DIP2C: variants seen among roughly 807,000 people sequenced by gnomAD.
DIP2C encodes the protein disco-interacting protein 2 homolog C.
DIP2C carries 33 observed loss-of-function variants against 192.4 expected under a neutral mutation model. The ratio of observed to expected loss-of-function variants is 0.17; its 90% confidence interval spans 0.13 to 0.23. DIP2C has a LOEUF of 0.23. Ranked by LOEUF, DIP2C falls within the 10% of genes least tolerant of loss-of-function variation. DIP2C has a pLI of 1.00. For missense variants in DIP2C, 1,537 were observed against 2,110.1 expected, an observed-to-expected ratio of 0.73 and a Z score of 5.32; for synonymous variants, 979 against 864.1, an observed-to-expected ratio of 1.13 and a Z score of -2.33.
chr10:591,071 A>C (rs1350832363), intron 1 of DIP2C, among the ~76,000 whole-genome samples: 1 of 148,192 alleles, frequency 6.7e-6, no homozygotes, highest in Non-Finnish European at 1.5e-5. Flanking sequence ...AAAAAATGAA[A>C]GAAGCCGCCA....
At chr10:497,579 T>G (rs893840773) in intron 1 of DIP2C, among the ~76,000 whole-genome samples, 1 of 152,222 alleles carries the variant, frequency 6.6e-6, no homozygotes, top group Non-Finnish European at 1.5e-5. Flanking sequence ...CAGACGCTCA[T>G]ACAAGGAATC....
intron 29 of DIP2C, among the ~76,000 whole-genome samples, chr10:334,836 C>T (rs1471055382): frequency 6.6e-6 from 1 of 152,154 alleles, no homozygotes; most frequent in Non-Finnish European, 1.5e-5. Context: ...TGCAGCTTTG[C>T]AATATTTTTG....
chr10:524,677 A>AGAAAT (rs1181945973), intron 1 of DIP2C, among the ~76,000 whole-genome samples: 4 of 152,322 alleles, frequency 2.6e-5, no homozygotes, highest in African/African-American at 9.6e-5. Context: ...AAAACAAAGA[A>AGAAAT]TGCATTGCAC....
In DIP2C at chr10:414,037, G is replaced by A. The variant is rs763580849; in HGVS notation, c.933C>T (p.Gly311=). The part of the protein sequence containing the change: ...QMLAMRGEQL[G]VVTNWPPSLE... ...GCGACGGCGGCCAGTTCGTGACCACGCCCAGCTGCTCTCCGCGCATGGCCA... is the reference window on the plus strand; with the variant it reads ...GCGACGGCGGCCAGTTCGTGACCACACCCAGCTGCTCTCCGCGCATGGCCA... The change falls in exon 8 of 37, where the codon GGC becomes GGT. Residue 311 remains glycine, a synonymous_variant. Transcript: ENST00000280886. The A allele has an allele frequency of 2.2e-5, 35 of 1,613,992 alleles. No homozygotes were observed. In the Admixed American group the frequency reaches 2.7e-4, roughly 12 times the overall value.
intron 31 of DIP2C, among the ~76,000 whole-genome samples, chr10:317,273 GGTC>G (rs1406250338): frequency 6.6e-6 from 1 of 152,220 alleles, no homozygotes; most frequent in East Asian, 1.9e-4. Flanking sequence ...CCAGCAAGCT[GGTC>G]ATCAGGACCA....
intron 1 of DIP2C, among the ~76,000 whole-genome samples, chr10:605,414 G>T (rs764001456): frequency 5.9e-5 from 9 of 152,154 alleles, no homozygotes; most frequent in Non-Finnish European, 1.3e-4. Context: ...CCTTGCCCAA[G>T]CTAATAAAAT....
intron 14 of DIP2C, among the ~76,000 whole-genome samples, chr10:385,132 T>G (rs1185969992): frequency 7.3e-6 from 1 of 137,340 alleles, no homozygotes; most frequent in Non-Finnish European, 1.6e-5. Flanking sequence ...TGGAGCACCG[T>G]GGACGCCAGG....
intron 18 of DIP2C, among the ~76,000 whole-genome samples, chr10:367,235 G>A (rs1327576325): frequency 1.3e-5 from 2 of 152,122 alleles, no homozygotes; most frequent in Non-Finnish European, 2.9e-5. Context: ...GGCTAACATG[G>A]TGAAACCCCG....
At chr10:619,545 T>A (rs922652721) in intron 1 of DIP2C, among the ~76,000 whole-genome samples, 14 of 15,874 alleles carry the variant, frequency 8.8e-4, no homozygotes, top group South Asian at 5.4e-3. Context: ...CCGCCCGCCC[T>A]CCCACCCAGC....
At chr10:437,515 G>T (rs1190140714) in intron 4 of DIP2C, 1 of 152,322 alleles carries the variant, frequency 6.6e-6, no homozygotes, top group African/African-American at 2.4e-5. Flanking sequence ...TGTTCTCCAG[G>T]CAGAGGGCAA....
At chr10:467,143 A>T (rs1006841731) in intron 3 of DIP2C, among the ~76,000 whole-genome samples, 1 of 152,148 alleles carries the variant, frequency 6.6e-6, no homozygotes, top group African/African-American at 2.4e-5. Context: ...CAAATGTCCA[A>T]CAATGATAGA....
chr10:550,605 TCTC>T (rs1227862130), intron 1 of DIP2C, among the ~76,000 whole-genome samples: 10 of 152,080 alleles, frequency 6.6e-5, no homozygotes, highest in Admixed American at 3.9e-4. Context: ...CAGAAGCTCT[TCTC>T]CTCCTGGACA....
Position 277,662 on chromosome 10 carries a change from C to CTCTG in DIP2C, c.4419-89_4419-86dup, listed in dbSNP as rs1954583645. The CTCTG allele has an allele frequency of 1.8e-5, 28 of 1,540,710 alleles. No individual in the cohort carries two copies. The South Asian group carries it at 3.6e-4, about 20-fold the overall frequency. On this transcript the variant is annotated intron_variant, in intron 36 of 36. Coordinates refer to ENST00000280886, the MANE Select transcript of DIP2C (RefSeq NM_014974.3). ...TGGTTTCAAAGTTCCACTTGGCTCT[C>CTCTG]TCTGACCTGCCTGAGCACTGCCCGA...
chr10:369,291 A>G (rs994445686), intron 18 of DIP2C, among the ~76,000 whole-genome samples: 3 of 152,158 alleles, frequency 2.0e-5, no homozygotes, highest in African/African-American at 7.2e-5. Flanking sequence ...GCCCTTCCCC[A>G]TCTTCTTGAT....
intron 9 of DIP2C, among the ~76,000 whole-genome samples, chr10:407,564 C>T (rs745414279): frequency 2.6e-5 from 4 of 152,086 alleles, no homozygotes; most frequent in Non-Finnish European, 4.4e-5. Flanking sequence ...GCAAGGGTTC[C>T]GACTTCCCCA....
chr10:414,739 G>GTGTATATA lies in DIP2C; in HGVS notation c.860-630_860-629insTATATACA. 2.9e-3 allele frequency among the ~76,000 whole-genome samples: 259 copies of GTGTATATA among 90,516 alleles called. 15 individuals are homozygous for GTGTATATA. The highest frequency in any genetic ancestry group is 0.015 in the East Asian group (44 of 2,858). The allele number at this position is 90,516 out of a possible 152,430, so 59.4% of individuals were successfully genotyped here. On this transcript the variant is annotated intron_variant, in intron 7 of 36. Coordinates refer to ENST00000280886, the MANE Select transcript of DIP2C (RefSeq NM_014974.3). ...TGTGTGTGTGTGTGTGTGTGTGTGT[G>GTGTATATA]TACATATATATATATATAATGTGTA...
chr10:383,932 TA>T, intron 16 of DIP2C, 94 bp downstream of exon 16: 1 of 1,307,558 alleles, frequency 7.6e-7, no homozygotes. Flanking sequence ...GGGGAAAAAA[TA>T]AAAAAGACTT....
intron 1 of DIP2C, among the ~76,000 whole-genome samples, chr10:640,637 A>G (rs914574685): frequency 6.6e-6 from 1 of 151,270 alleles, no homozygotes; most frequent in Non-Finnish European, 1.5e-5. Flanking sequence ...GCGCGCGGGG[A>G]TGAGGGTGCG....
intron 1 of DIP2C, among the ~76,000 whole-genome samples, chr10:600,402 T>A (rs1851979185): frequency 1.4e-5 from 2 of 143,850 alleles, no homozygotes; most frequent in Non-Finnish European, 3.1e-5. Flanking sequence ...TGGAGGTGAC[T>A]GAGCAGCAAG....
Sources: allele counts gnomAD v4.1 joint callset (sites outside exome capture counted in the v4.1 genomes callset), GRCh38; gene constraint gnomAD v4.1.1; transcripts MANE v1.5; gene names NCBI Gene and HGNC (gene_info 2026-07-23, HGNC 2026-07-21).